The following GPR137 variants were observed in gnomAD, a reference collection of about 807,000 sequenced individuals.
GPR137 encodes the protein G protein-coupled receptor 137, also known as integral membrane protein GPR137.
GPR137 carries 20 observed loss-of-function variants against 38.9 expected under a neutral mutation model. The ratio of observed to expected loss-of-function variants is 0.51; its 90% CI spans 0.36 to 0.75. GPR137 has a LOEUF of 0.75. Among genes scored for constraint, GPR137 ranks in the 30% least tolerant of loss-of-function variants. GPR137 has a pLI of 0.00. For missense variants in GPR137, 456 were observed against 526.4 expected (o/e 0.87, Z 1.31); for synonymous variants, 226 against 235.8 (o/e 0.96, Z 0.38).
Position 64,288,668 on chromosome 11 carries a change from G to A in GPR137, c.978G>A (p.Gly326=), listed in dbSNP as rs962769320. ...ASRSYFFDRA[G]HCEDEGCSWE... is the part of the protein sequence containing the mutation. ...GGTCCTACTTCTTTGACCGGGCTGG[G>A]CACTGTGAAGATGAGGGCTGCTCCT... The change falls in exon 6 of 7, where the codon GGG becomes GGA. Residue 326 remains glycine, a synonymous_variant. Transcript: ENST00000438980. This position sits in a 1 kb window ranked among gnomAD's most constrained non-coding sequence, Gnocchi z 5.5. 6.3e-7 allele frequency: 1 copy of A among 1,597,616 alleles called. No individual in the cohort carries two copies. Among genetic ancestry groups the A allele is most frequent in the East Asian group, 2.3e-5 (1 of 44,232 alleles).
chr11:64,279,831 C>A (rs1269047821), upstream of GPR137, among the ~76,000 whole-genome samples: 1 of 151,824 alleles, frequency 6.6e-6, no homozygotes, highest in East Asian at 1.9e-4. Flanking sequence ...TCCTCCCTCA[C>A]CCTTCAGTGT....
Position 64,288,210 on chromosome 11 carries a change from A to C in GPR137, c.779A>C (p.Asp260Ala). ...TFDYDWYNVS[D>A]QADLVNDLGN... ...GATTACGACTGGTACAATGTGTCTG[A>C]CCAGGTGGGCATACGCATGTCTGCC... Residue 260 changes from aspartate (D) to alanine (A), a missense_variant, in exon 4 of 7, where the codon GAC becomes GCC. Coordinates refer to ENST00000438980, the MANE Select transcript of GPR137 (RefSeq NM_001170880.2). This position sits in a 1 kb window ranked among gnomAD's most constrained non-coding sequence, Gnocchi z 5.5. 5 of 1,612,362 alleles carry C rather than the reference A, an allele frequency of 3.1e-6. No homozygotes were observed. Among genetic ancestry groups the C allele is most frequent in the Non-Finnish European group, 4.2e-6 (5 of 1,179,416 alleles).
At chr11:64,271,697 G>A, upstream of GPR137, 1 of 1,471,736 alleles carries the variant, frequency 6.8e-7, no homozygotes, top group Non-Finnish European at 9.0e-7. Flanking sequence ...GGGGCGCCGA[G>A]CGCGAGCGGC....
In GPR137 at chr11:64,289,251, C is replaced by T. The variant is rs1591218904; in HGVS notation, c.*55C>T. On this transcript the variant is annotated 3_prime_UTR_variant, in exon 7 of 7. Transcript: ENST00000438980. ...GCCCCAGTCCCCCTCACCCTAGGCCCCTGTGCCAAGTTTGTCTGCCGCTTC... is the reference window on the plus strand; with the variant it reads ...GCCCCAGTCCCCCTCACCCTAGGCCTCTGTGCCAAGTTTGTCTGCCGCTTC... 2 of 1,613,358 alleles carry T rather than the reference C, an allele frequency of 1.2e-6. No individual in the cohort carries two copies. The highest frequency in any genetic ancestry group is 1.7e-6 in the Non-Finnish European group (2 of 1,179,714).
upstream of GPR137, chr11:64,285,660 C>T (rs1024446639): frequency 6.3e-5 from 62 of 985,026 alleles, no homozygotes; most frequent in Non-Finnish European, 7.5e-5. Flanking sequence ...CTGGATGCGG[C>T]ACGGCCCCCG....
chr11:64,289,280 C>T lies in GPR137; in HGVS notation c.*84C>T, dbSNP rs376225218. ...TGCCAAGTTTGTCTGCCGCTTCTTG[C>T]CCAGGATCCTGGGGGTCGTGGCTAC... is the stretch of plus-strand genomic sequence containing the variant. On this transcript the variant is annotated 3_prime_UTR_variant, in exon 7 of 7. Coordinates refer to ENST00000438980, the MANE Select transcript of GPR137 (RefSeq NM_001170880.2). 1.4e-5 allele frequency: 23 copies of T among 1,613,356 alleles called. No homozygotes were observed. Among genetic ancestry groups the T allele is most frequent in the Non-Finnish European group, 1.7e-5 (20 of 1,179,886 alleles).
chr11:64,285,706 C>G (rs567880236), upstream of GPR137: 1 of 985,312 alleles, frequency 1.0e-6, no homozygotes, highest in South Asian at 4.7e-5. Context: ...CCCGTAACCC[C>G]GGGCGCCCGC....
At chr11:64,284,692 C>T (rs756252556), upstream of GPR137, 198 of 1,535,756 alleles carry the variant, frequency 1.3e-4, no homozygotes, top group Non-Finnish European at 1.7e-4. Context: ...ACCCCGGGCT[C>T]CGGGCCCTAG....
In GPR137 at chr11:64,286,897, C is replaced by G. The variant is rs2034140249; in HGVS notation, c.357+16C>G. Reference sequence around the variant, plus strand: ...CTTTGCCCAGGTAACCAACTGTGGTCCCGGGTGGGGGGCGGGAGGTGGCAA... The same window carrying G: ...CTTTGCCCAGGTAACCAACTGTGGTGCCGGGTGGGGGGCGGGAGGTGGCAA... On this transcript the variant is annotated intron_variant, in intron 1 of 6. Coordinates refer to ENST00000438980, the MANE Select transcript of GPR137 (RefSeq NM_001170880.2). 6.2e-7 allele frequency: 1 copy of G among 1,608,776 alleles called. No homozygotes were observed. Among genetic ancestry groups the G allele is most frequent in the Non-Finnish European group, 8.5e-7 (1 of 1,176,712 alleles).
upstream of GPR137, chr11:64,284,247 G>A (rs758407783): frequency 9.9e-6 from 16 of 1,610,746 alleles, no homozygotes; most frequent in African/African-American, 1.3e-5. Context: ...GAGGCCTGGG[G>A]CCTGGCGATG....
At chr11:64,282,358 C>G (rs576276361), upstream of GPR137, among the ~76,000 whole-genome samples, 1 of 150,778 alleles carries the variant, frequency 6.6e-6, no homozygotes, top group Non-Finnish European at 1.5e-5. Context: ...TCTCAACAGT[C>G]TGGGAGGCCA....
upstream of GPR137, among the ~76,000 whole-genome samples, chr11:64,281,317 C>T (rs1279088275): frequency 3.9e-5 from 6 of 152,146 alleles, no homozygotes; most frequent in East Asian, 7.7e-4. Context: ...CTCTTTCCCT[C>T]GCACCCCACA....
rs1261615645 is a variant in GPR137, at chr11:64,288,418, AC to A, written c.864del (p.Thr289ProfsTer16). 6.2e-7 allele frequency: 1 copy of A among 1,613,544 alleles called. No homozygotes were observed. Among genetic ancestry groups the A allele is most frequent in the Non-Finnish European group, 8.5e-7 (1 of 1,179,954 alleles). ...CCTCTTCGTGTGGGAGCTACTGCCC[AC>A]CACCCTGCTGGTGGGCTTCTTCCGG... ...LILFVWELLP[T>X]TLLVGFFRVH... On this transcript the variant is annotated frameshift_variant, in exon 5 of 7. Coordinates refer to ENST00000438980, the MANE Select transcript of GPR137 (RefSeq NM_001170880.2). LOFTEE classifies it high-confidence loss of function. The surrounding 1 kb of genome is among the most constrained non-coding windows in gnomAD (Gnocchi z 5.5).
At chr11:64,285,433 T>G (rs1447108730), upstream of GPR137, 3 of 983,320 alleles carry the variant, frequency 3.1e-6, no homozygotes. Flanking sequence ...CGCGGGGGAT[T>G]CGGGGCTCCG....
chr11:64,286,946 A>G lies in GPR137; in HGVS notation c.358-19A>G, dbSNP rs1311207809. ...AAGCCTCAAGGACCCACAGGAGTGA[A>G]GGGCATCTCTGCTCCTAGGTGGTGT... On this transcript the variant is annotated intron_variant, in intron 1 of 6. Transcript: ENST00000438980. The G allele has an allele frequency of 6.2e-7, 1 of 1,613,846 alleles. No individual in the cohort carries two copies. The highest frequency in any genetic ancestry group is 8.5e-7 in the Non-Finnish European group (1 of 1,179,976).
At chr11:64,276,870 G>T in intron 2 of GPR137, 2 of 746,684 alleles carry the variant, frequency 2.7e-6, no homozygotes, top group African/African-American at 1.7e-5. Context: ...GGTAGTGGCT[G>T]TGGCTAGAAG....
upstream of GPR137, among the ~76,000 whole-genome samples, chr11:64,283,809 T>C (rs1591182955): frequency 6.6e-6 from 1 of 152,302 alleles, no homozygotes; most frequent in East Asian, 1.9e-4. Flanking sequence ...TATATATATA[T>C]GTATTTTAAG....
chr11:64,285,406 G>GGCGAGGGGCGGGCCCGC, upstream of GPR137: 5 of 984,816 alleles, frequency 5.1e-6, no homozygotes, highest in Non-Finnish European at 6.0e-6. Context: ...GGCGCGCCGG[G>GGCGAGGGGCGGGCCCGC]GCGAGGGGCG....
In GPR137 at chr11:64,288,466, CT is replaced by C. The variant is rs2034392464; in HGVS notation, c.911del (p.Leu304ArgfsTer46). The C allele has an allele frequency of 6.2e-7, 1 of 1,613,170 alleles. No individual in the cohort carries two copies. Among genetic ancestry groups the C allele is most frequent in the Admixed American group, 1.7e-5 (1 of 60,004 alleles). ...FFRVHRPPQD[L>X]STSHILNGQV... ...CCGGGTGCACCGGCCCCCACAGGAC[CT>C]GGTAAGGGTCTGCTCCCTCTTCTGT... is the stretch of plus-strand genomic sequence containing the variant. On this transcript the variant is annotated frameshift_variant and splice_region_variant, in exon 5 of 7. Transcript: ENST00000438980. LOFTEE classifies it high-confidence loss of function. The surrounding 1 kb of genome is among the most constrained non-coding windows in gnomAD (Gnocchi z 5.5).
Sources: allele counts gnomAD v4.1 joint callset (sites outside exome capture counted in the v4.1 genomes callset), GRCh38; gene constraint gnomAD v4.1.1; non-coding constraint Gnocchi (gnomAD v3.1); transcripts MANE v1.5; gene names NCBI Gene and HGNC (gene_info 2026-07-23, HGNC 2026-07-21).